The following GRIP1 variants were observed in gnomAD, a reference collection of about 807,000 sequenced individuals.
GRIP1 encodes glutamate receptor-interacting protein 1.
A neutral mutation model predicts 129.9 loss-of-function variants in GRIP1; 45 were observed. That is an observed-to-expected ratio of 0.35 (90% CI 0.27 to 0.44). The LOEUF (loss-of-function observed/expected upper bound fraction) is 0.44, where lower values mean the gene tolerates loss of function less well. GRIP1 is among the 20% of genes least tolerant of loss of function. GRIP1 has a pLI of 1.00. For missense variants in GRIP1, 1,196 were observed against 1,396.8 expected (o/e 0.86, Z 2.29); for synonymous variants, 530 against 520.8 (o/e 1.02, Z -0.24).
At chr12:66,998,346 G>A (rs2042500319) in intron 1 of GRIP1, among the ~76,000 whole-genome samples, 1 of 152,054 alleles carries the variant, frequency 6.6e-6, no homozygotes, top group Admixed American at 6.6e-5. Flanking sequence ...TGGAATTTCT[G>A]TTTGAAGGTT....
chr12:66,584,404 T>C (rs1233135336), intron 2 of GRIP1, among the ~76,000 whole-genome samples: 11 of 151,190 alleles, frequency 7.3e-5, no homozygotes, highest in African/African-American at 2.7e-4. Context: ...ACTTAAAGTA[T>C]AATAAAAAAA....
chr12:66,878,902 G>C (rs2040426882), intron 1 of GRIP1, among the ~76,000 whole-genome samples: 1 of 151,934 alleles, frequency 6.6e-6, no homozygotes, highest in South Asian at 2.1e-4. Flanking sequence ...TAGGAGGTGA[G>C]AATCTATGTA....
chr12:66,540,875 A>G (rs2061755808), intron 3 of GRIP1, among the ~76,000 whole-genome samples: 1 of 151,980 alleles, frequency 6.6e-6, no homozygotes, highest in Non-Finnish European at 1.5e-5. Context: ...GTTCACTGCA[A>G]CCTCCGCCTC....
At chr12:66,986,074 A>G (rs909101092) in intron 1 of GRIP1, among the ~76,000 whole-genome samples, 12 of 152,162 alleles carry the variant, frequency 7.9e-5, no homozygotes, top group Admixed American at 3.9e-4. Context: ...ACTTAACTCA[A>G]CCACAAATCT....
intron 1 of GRIP1, among the ~76,000 whole-genome samples, chr12:67,010,540 C>T (rs2042690080): frequency 6.6e-6 from 1 of 152,106 alleles, no homozygotes; most frequent in Non-Finnish European, 1.5e-5. Context: ...AAGAAGGCCA[C>T]TGGCATGCTA....
In GRIP1 at chr12:66,777,981, C is replaced by T. The variant is rs547903322; in HGVS notation, c.-420+26072G>A. On this transcript the variant is annotated intron_variant, in intron 1 of 4. Coordinates refer to the GRIP1 transcript ENST00000538373. ...TCATAGCTAATGAGCACTTGAAACA[C>T]GCTAGTCCACATCAAAATGAACTGT... Among the ~76,000 whole-genome samples, 73 of 152,232 alleles carry T rather than the reference C, an allele frequency of 4.8e-4. 1 individual carries two copies. The highest frequency in any genetic ancestry group is 1.6e-3 in the African/African-American group (67 of 41,540).
chr12:66,973,729 C>T (rs900208107), intron 1 of GRIP1, among the ~76,000 whole-genome samples: 1 of 151,966 alleles, frequency 6.6e-6, no homozygotes, highest in African/African-American at 2.4e-5. Flanking sequence ...TTTGTAGGTA[C>T]CATATTGCCT....
chr12:67,020,950 T>C (rs1261159732), intron 1 of GRIP1, among the ~76,000 whole-genome samples: 1 of 151,734 alleles, frequency 6.6e-6, no homozygotes, highest in Non-Finnish European at 1.5e-5. Context: ...TACAAAAATT[T>C]AGCCAGGCAT....
chr12:66,857,498 T>C (rs1307823322), intron 1 of GRIP1, among the ~76,000 whole-genome samples: 1 of 149,826 alleles, frequency 6.7e-6, no homozygotes, highest in African/African-American at 2.5e-5. Context: ...GAATCTGTAG[T>C]AAGCAGCTAT....
chr12:66,485,635 C>T (rs1224255806), intron 7 of GRIP1, among the ~76,000 whole-genome samples: 1 of 151,804 alleles, frequency 6.6e-6, no homozygotes, highest in Non-Finnish European at 1.5e-5. Context: ...TCTTTGCTTA[C>T]TATAAAGTCA....
intron 1 of GRIP1, among the ~76,000 whole-genome samples, chr12:66,669,640 A>G (rs2033978785): frequency 6.6e-6 from 1 of 152,220 alleles, no homozygotes; most frequent in Non-Finnish European, 1.5e-5. Context: ...GTACCTATTC[A>G]GTGGTGTGCT....
intron 1 of GRIP1, among the ~76,000 whole-genome samples, chr12:66,780,099 C>T (rs2038107707): frequency 6.6e-6 from 1 of 152,022 alleles, no homozygotes; most frequent in Non-Finnish European, 1.5e-5. Flanking sequence ...TCCCAAGTCC[C>T]CACATAAAAA....
intron 1 of GRIP1, among the ~76,000 whole-genome samples, chr12:66,943,230 A>C (rs2137456481): frequency 6.6e-6 from 1 of 152,312 alleles, no homozygotes; most frequent in East Asian, 1.9e-4. Flanking sequence ...CAAAGAGAGA[A>C]TGGTGCAGCT....
rs2061691893 is a variant in GRIP1, at chr12:66,539,059, G to A, written c.418+19C>T. On this transcript the variant is annotated intron_variant, in intron 4 of 24. Coordinates refer to ENST00000359742, the MANE Select transcript of GRIP1 (RefSeq NM_001366722.1). The stretch of plus-strand genomic sequence containing the variant: ...CTTGGAATGTATCCCCTATGGATAA[G>A]GGGGGCTACTGTACTTACAGACCGG... 6.2e-7 allele frequency: 1 copy of A among 1,608,368 alleles called. No homozygotes were observed. The highest frequency in any genetic ancestry group is 8.5e-7 in the Non-Finnish European group (1 of 1,174,768).
At chr12:66,636,490 CA>C (rs1375259678) in intron 1 of GRIP1, among the ~76,000 whole-genome samples, 1 of 152,150 alleles carries the variant, frequency 6.6e-6, no homozygotes. Context: ...TAACTTCTGA[CA>C]ATAGCAAGCA....
intron 15 of GRIP1, 80 bp from the exon 16 acceptor site, chr12:66,406,508 A>T: frequency 3.1e-6 from 4 of 1,292,510 alleles, no homozygotes; most frequent in Non-Finnish European, 4.5e-6. Context: ...AGCATAATGC[A>T]GCATTATGGT....
chr12:66,920,463 C>T (rs1375366812), intron 1 of GRIP1, among the ~76,000 whole-genome samples: 2 of 152,234 alleles, frequency 1.3e-5, no homozygotes, highest in Middle Eastern at 3.4e-3. Context: ...GTGAGAGATA[C>T]GATGACAAGA....
At chr12:66,610,859 T>G (rs892906748) in intron 1 of GRIP1, among the ~76,000 whole-genome samples, 2 of 152,186 alleles carry the variant, frequency 1.3e-5, no homozygotes, top group Non-Finnish European at 2.9e-5. Context: ...TAATATGTAC[T>G]ATTCATACAT....
chr12:66,454,675 G>C (rs2058903310), intron 11 of GRIP1, among the ~76,000 whole-genome samples: 1 of 152,144 alleles, frequency 6.6e-6, no homozygotes, highest in Non-Finnish European at 1.5e-5. Context: ...GTTTTGCTTA[G>C]TCTATATCGT....
Sources: gnomAD v4.1 joint callset for allele counts (sites outside exome capture counted in the v4.1 genomes callset) on GRCh38, gnomAD v4.1.1 for gene constraint, MANE v1.5 for transcripts, NCBI Gene and HGNC (gene_info 2026-07-23, HGNC 2026-07-21) for gene names.